The following PTN variants were observed in gnomAD, a reference collection of about 807,000 sequenced individuals.
The protein encoded by PTN is heparin affin regulatory protein.
In PTN, 18 loss-of-function variants were observed where a neutral mutation model predicts 24.1. That is an observed-to-expected ratio of 0.75 (90% CI 0.52 to 1.11). The LOEUF is 1.11. PTN is among the 50% of genes least tolerant of loss of function. The pLI is 0.00. For synonymous variants in PTN, 78 were observed against 68.6 expected (o/e 1.14, Z -0.67); for missense variants, 163 against 198.8 (o/e 0.82, Z 1.08).
intron 1 of PTN, among the ~76,000 whole-genome samples, chr7:137,304,292 C>T (rs982158751): frequency 3.3e-5 from 5 of 151,940 alleles, no homozygotes; most frequent in African/African-American, 1.2e-4. Context: ...AAATCAGAAG[C>T]TTTAATTCAA....
At chr7:137,280,070 G>A (rs1195177532) in intron 1 of PTN, among the ~76,000 whole-genome samples, 1 of 152,138 alleles carries the variant, frequency 6.6e-6, no homozygotes, top group Non-Finnish European at 1.5e-5. Context: ...CAGAATATGG[G>A]TTCATAAACG....
At chr7:137,310,014 T>C (rs144893638) in intron 1 of PTN, among the ~76,000 whole-genome samples, 56 of 152,326 alleles carry the variant, frequency 3.7e-4, no homozygotes, top group Non-Finnish European at 7.5e-4. Context: ...ATGGCAGCTA[T>C]AGCCTGCAAA....
intron 1 of PTN, among the ~76,000 whole-genome samples, chr7:137,255,470 T>C (rs1396407989): frequency 1.3e-5 from 2 of 152,228 alleles, no homozygotes; most frequent in African/African-American, 4.8e-5. Flanking sequence ...TTTAGACGCA[T>C]ACACAACAAC....
chr7:137,301,781 G>A (rs1413424221), intron 1 of PTN, among the ~76,000 whole-genome samples: 2 of 152,016 alleles, frequency 1.3e-5, no homozygotes, highest in East Asian at 3.9e-4. Flanking sequence ...GAAAAAGCAT[G>A]TTTTATCCTG....
At chr7:137,254,052 C>A (rs571231670) in intron 2 of PTN, among the ~76,000 whole-genome samples, 9 of 152,232 alleles carry the variant, frequency 5.9e-5, no homozygotes, top group South Asian at 4.1e-4. Flanking sequence ...GTAATCCCAG[C>A]ACTTTGGGAG....
intron 1 of PTN, among the ~76,000 whole-genome samples, chr7:137,259,157 A>G (rs986466076): frequency 5.9e-5 from 9 of 152,150 alleles, no homozygotes; most frequent in African/African-American, 1.9e-4. Flanking sequence ...AAAGAAACCA[A>G]CTTTAGGAGA....
At chr7:137,242,074 T>A (rs1808638128) in intron 4 of PTN, among the ~76,000 whole-genome samples, 1 of 152,198 alleles carries the variant, frequency 6.6e-6, no homozygotes, top group Non-Finnish European at 1.5e-5. Flanking sequence ...TTCTTTTATC[T>A]TTAAAAGAAC....
intron 4 of PTN, among the ~76,000 whole-genome samples, chr7:137,244,353 T>C (rs1189035379): frequency 6.6e-6 from 1 of 151,470 alleles, no homozygotes. Flanking sequence ...TCAAAGTGGA[T>C]AGCTAAAAGG....
intron 1 of PTN, among the ~76,000 whole-genome samples, chr7:137,279,504 T>C (rs2128875757): frequency 6.6e-6 from 1 of 152,322 alleles, no homozygotes; most frequent in African/African-American, 2.4e-5. Context: ...GAGTTTAGTC[T>C]AATATAGCAG....
chr7:137,290,731 T>C (rs1809626497), intron 1 of PTN, among the ~76,000 whole-genome samples: 1 of 152,102 alleles, frequency 6.6e-6, no homozygotes, highest in African/African-American at 2.4e-5. Context: ...GGGTGGCCAG[T>C]AGATGACATT....
At chr7:137,338,456 C>G (rs941488774) in intron 1 of PTN, among the ~76,000 whole-genome samples, 1 of 152,128 alleles carries the variant, frequency 6.6e-6, no homozygotes, top group East Asian at 1.9e-4. Flanking sequence ...ATTAAAGGAA[C>G]AAACAGACAT....
chr7:137,319,228 T>G (rs574685409), intron 1 of PTN, among the ~76,000 whole-genome samples: 10 of 152,358 alleles, frequency 6.6e-5, no homozygotes, highest in African/African-American at 2.4e-4. Flanking sequence ...ATTCCTCATC[T>G]GTAAAATGGG....
chr7:137,253,605 A>G lies in PTN; in HGVS notation c.148T>C (p.Trp50Arg). 6.4e-7 allele frequency: 1 copy of G among 1,569,050 alleles called. No individual in the cohort carries two copies. The highest frequency in any genetic ancestry group is 8.7e-7 in the Non-Finnish European group (1 of 1,153,230). Reference protein sequence around the residue: ...KKVKKSDCGEWQWSVCVPTSG... With the variant: ...KKVKKSDCGERQWSVCVPTSG... Reference sequence around the variant, plus strand: ...GTGGGCACACACACACTCCACTGCCATTCTCCACAGTCAGACTTCTTCACT... The same window carrying G: ...GTGGGCACACACACACTCCACTGCCGTTCTCCACAGTCAGACTTCTTCACT... Residue 50 changes from tryptophan to arginine, a missense_variant, in exon 3 of 5, where the codon TGG becomes CGG. Coordinates refer to ENST00000348225, the MANE Select transcript of PTN (RefSeq NM_002825.7).
chr7:137,250,338 G>A lies in PTN; in HGVS notation c.451+892C>T, dbSNP rs1026913444. ...AGGTTCTCCCTATGGCTTGTAGATG[G>A]CATTCTTCTCCCTCTGTCTTCACAC... On this transcript the variant is annotated intron_variant, in intron 4 of 4. Coordinates refer to ENST00000348225, the MANE Select transcript of PTN (RefSeq NM_002825.7). 3.9e-5 allele frequency among the ~76,000 whole-genome samples: 6 copies of A among 152,142 alleles called. No homozygotes were observed. The South Asian group carries it at 1.2e-3, about 32-fold the overall frequency.
chr7:137,264,886 C>G (rs1415421640), intron 1 of PTN, among the ~76,000 whole-genome samples: 2 of 152,016 alleles, frequency 1.3e-5, no homozygotes, highest in Non-Finnish European at 2.9e-5. Flanking sequence ...TGGGGGCCAG[C>G]CTTTGGAAAC....
intron 4 of PTN, among the ~76,000 whole-genome samples, chr7:137,249,728 G>A (rs1585011894): frequency 6.6e-6 from 1 of 152,074 alleles, no homozygotes; most frequent in East Asian, 1.9e-4. Flanking sequence ...ATGACATTTG[G>A]GAAGTCTGCA....
intron 1 of PTN, among the ~76,000 whole-genome samples, chr7:137,278,697 T>C (rs1220355960): frequency 1.3e-5 from 2 of 151,990 alleles, no homozygotes; most frequent in South Asian, 2.1e-4. Flanking sequence ...TCCCAGCACT[T>C]TGGGAGGCCA....
intron 1 of PTN, among the ~76,000 whole-genome samples, chr7:137,321,773 T>C (rs924741931): frequency 1.3e-5 from 2 of 152,216 alleles, no homozygotes; most frequent in Admixed American, 1.3e-4. Flanking sequence ...AAATGAAATA[T>C]TGTTTAATGC....
chr7:137,305,741 C>T (rs1166058324), intron 1 of PTN, among the ~76,000 whole-genome samples: 1 of 152,028 alleles, frequency 6.6e-6, no homozygotes, highest in African/African-American at 2.4e-5. Flanking sequence ...GTCAAATTAG[C>T]AAATTGAAAT....
Sources: allele counts gnomAD v4.1 joint callset (sites outside exome capture counted in the v4.1 genomes callset), GRCh38; gene constraint gnomAD v4.1.1; transcripts MANE v1.5; gene names NCBI Gene and HGNC (gene_info 2026-07-23, HGNC 2026-07-21).